Variants in GRIA1 observed in about 807,000 individuals in gnomAD.
The protein encoded by GRIA1 is glutamate ionotropic receptor AMPA type subunit 1, also known as glutamate receptor 1.
A neutral mutation model predicts 99.2 loss-of-function variants in GRIA1; 31 were observed. That is an observed-to-expected ratio of 0.31 (90% CI 0.23 to 0.42). The LOEUF (loss-of-function observed/expected upper bound fraction) is 0.42. GRIA1 is among the 10% of genes least tolerant of loss of function. The pLI is 1.00. For missense variants in GRIA1, 782 were observed against 1,157.5 expected, an observed-to-expected ratio of 0.68 and a Z score of 4.71; for synonymous variants, 438 against 432.4, an observed-to-expected ratio of 1.01 and a Z score of -0.16.
intron 11 of GRIA1, 52 bp downstream of exon 11, chr5:153,706,119 T>C: frequency 1.4e-6 from 2 of 1,469,818 alleles, no homozygotes; most frequent in Admixed American, 3.4e-5. Context: ...TTTGTTTGTT[T>C]GTTTGTTTGT....
intron 2 of GRIA1, among the ~76,000 whole-genome samples, chr5:153,552,103 T>A (rs915245639): frequency 2.0e-5 from 3 of 152,076 alleles, no homozygotes; most frequent in African/African-American, 7.2e-5. Flanking sequence ...GGTCCCAAAC[T>A]GGTGTTCTAT....
At chr5:153,746,461 CG>C (rs1344556365) in intron 11 of GRIA1, among the ~76,000 whole-genome samples, 2 of 152,090 alleles carry the variant, frequency 1.3e-5, no homozygotes, top group African/African-American at 4.8e-5. Context: ...GCTTATGGGT[CG>C]GGGTATATTT....
intron 2 of GRIA1, among the ~76,000 whole-genome samples, chr5:153,549,209 C>T (rs1008682504): frequency 2.0e-5 from 3 of 152,126 alleles, no homozygotes; most frequent in Admixed American, 1.3e-4. Flanking sequence ...CATTAATGAT[C>T]CCTGTTCTCA....
chr5:153,568,448 G>A (rs774664729), intron 2 of GRIA1, among the ~76,000 whole-genome samples: 1 of 152,168 alleles, frequency 6.6e-6, no homozygotes, highest in Non-Finnish European at 1.5e-5. Context: ...GAGAAGCACT[G>A]ATCTAGTTTA....
At chr5:153,766,121 T>A (rs1387490977) in intron 12 of GRIA1, among the ~76,000 whole-genome samples, 1 of 152,176 alleles carries the variant, frequency 6.6e-6, no homozygotes, top group Non-Finnish European at 1.5e-5. Context: ...GAACAAAGCC[T>A]TAAGCATCAT....
intron 5 of GRIA1, among the ~76,000 whole-genome samples, chr5:153,662,588 G>A (rs753505899): frequency 1.2e-4 from 19 of 152,102 alleles, no homozygotes; most frequent in East Asian, 1.9e-4. Context: ...AGAATCCAGC[G>A]GAGTGAGAGC....
intron 2 of GRIA1, among the ~76,000 whole-genome samples, chr5:153,527,870 A>AC (rs2113411819): frequency 6.6e-6 from 1 of 152,284 alleles, no homozygotes; most frequent in African/African-American, 2.4e-5. Context: ...TGTGGTGATG[A>AC]CCCATTGCAG....
intron 2 of GRIA1, among the ~76,000 whole-genome samples, chr5:153,615,550 A>G (rs112220487): frequency 9.3e-4 from 142 of 152,356 alleles, no homozygotes; most frequent in African/African-American, 3.1e-3. Context: ...AGACTGAGGC[A>G]GGAGGATCAC....
At chr5:153,504,347 C>CATAT (rs35701544) in intron 2 of GRIA1, among the ~76,000 whole-genome samples, 29 of 149,450 alleles carry the variant, frequency 1.9e-4, no homozygotes, top group South Asian at 1.3e-3. Flanking sequence ...GTCTATTAAG[C>CATAT]ATATATATAT....
At chr5:153,770,092 T>G (rs1232276016) in intron 12 of GRIA1, 76 bp from the exon 13 acceptor site, 3 of 1,445,822 alleles carry the variant, frequency 2.1e-6, no homozygotes, top group Non-Finnish European at 2.9e-6. Context: ...CAAGCTACAC[T>G]CAGCTCTTCA....
Position 153,698,129 on chromosome 5 carries a change from G to T in GRIA1, c.1220G>T (p.Arg407Ile). 6.2e-7 allele frequency: 1 copy of T among 1,602,476 alleles called. No homozygotes were observed. Among genetic ancestry groups the T allele is most frequent in the South Asian group, 1.1e-5 (1 of 90,804 alleles). The change falls in exon 9 of 16, where the codon AGA (arginine) becomes ATA (isoleucine). Residue 407 changes from arginine to isoleucine, a missense_variant. Physicochemically the swap from Arg to Ile is moderately conservative, Grantham distance 97 (BLOSUM62 -3). Around this residue, in one of 5 missense-constraint regions of GRIA1, gnomAD observed 461 missense variants for 521.7 expected, o/e 0.88. Transcript: ENST00000285900. ...AGGDNSSVQNRTYIVTTILED... is the reference protein window; with the variant it reads ...AGGDNSSVQNITYIVTTILED... Reference sequence around the variant, plus strand: ...GGCGATAATTCAAGTGTTCAGAACAGAACATACATCGTCACAACAATCCTA... The same window carrying T: ...GGCGATAATTCAAGTGTTCAGAACATAACATACATCGTCACAACAATCCTA...
intron 13 of GRIA1, among the ~76,000 whole-genome samples, chr5:153,784,968 C>T (rs936097330): frequency 6.6e-6 from 1 of 152,138 alleles, no homozygotes; most frequent in Non-Finnish European, 1.5e-5. Flanking sequence ...CTGGTCCCCA[C>T]TCCCAGCAAA....
chr5:153,517,416 C>A (rs1050754537), intron 2 of GRIA1, among the ~76,000 whole-genome samples: 7 of 152,100 alleles, frequency 4.6e-5, no homozygotes, highest in African/African-American at 1.7e-4. Flanking sequence ...ACCACTAGTG[C>A]TGGTAAGCAC....
chr5:153,660,586 T>C (rs1226944169), intron 5 of GRIA1, among the ~76,000 whole-genome samples: 1 of 152,218 alleles, frequency 6.6e-6, no homozygotes, highest in African/African-American at 2.4e-5. Flanking sequence ...AGTTTAAATC[T>C]TGTCTACAGT....
chr5:153,626,388 T>C (rs1013448927), intron 2 of GRIA1, among the ~76,000 whole-genome samples: 4 of 151,816 alleles, frequency 2.6e-5, no homozygotes, highest in African/African-American at 9.7e-5. Flanking sequence ...ATGCCAGGCC[T>C]TGACTCTGCT....
intron 7 of GRIA1, 93 bp from the exon 8 acceptor site, chr5:153,686,132 C>T (rs551937996): frequency 4.4e-6 from 4 of 909,286 alleles, no homozygotes; most frequent in East Asian, 2.4e-5. Context: ...CCATGGAACA[C>T]TCTTGGGTTC....
At chr5:153,667,491 A>G (rs1226731823) in intron 5 of GRIA1, among the ~76,000 whole-genome samples, 1 of 152,184 alleles carries the variant, frequency 6.6e-6, no homozygotes. Flanking sequence ...TCTAACACCT[A>G]ACCTCTTTTG....
At chr5:153,567,984 G>A (rs1431911049) in intron 2 of GRIA1, among the ~76,000 whole-genome samples, 3 of 152,172 alleles carry the variant, frequency 2.0e-5, no homozygotes, top group Non-Finnish European at 4.4e-5. Context: ...GAAATAAGCT[G>A]TAGATTTGGG....
At chr5:153,688,528 A>G (rs906910605) in intron 8 of GRIA1, among the ~76,000 whole-genome samples, 4 of 152,190 alleles carry the variant, frequency 2.6e-5, no homozygotes, top group African/African-American at 4.8e-5. Flanking sequence ...TGTTCAGTGA[A>G]TGTTACCTGT....
Sources: allele counts gnomAD v4.1 joint callset (sites outside exome capture counted in the v4.1 genomes callset), GRCh38; gene constraint gnomAD v4.1.1; regional missense constraint gnomAD v4.1.1; transcripts MANE v1.5; gene names NCBI Gene and HGNC (gene_info 2026-07-23, HGNC 2026-07-21).